CPA6: variants seen among roughly 807,000 people sequenced by gnomAD.
The protein encoded by CPA6 is carboxypeptidase A6.
A neutral mutation model predicts 63.3 loss-of-function variants in CPA6; 58 were observed. The ratio of observed to expected loss-of-function variants is 0.92; its 90% confidence interval spans 0.74 to 1.14. The LOEUF is 1.14. Among genes scored for constraint, CPA6 ranks in the 50% most tolerant of loss-of-function variants. CPA6 has a pLI of 0.00. For synonymous variants in CPA6, 185 were observed against 179.0 expected, an observed-to-expected ratio of 1.03 and a Z score of -0.27; for missense variants, 565 against 526.6, an observed-to-expected ratio of 1.07 and a Z score of -0.71.
intron 8 of CPA6, among the ~76,000 whole-genome samples, chr8:67,449,027 G>C (rs1427081142): frequency 6.6e-6 from 1 of 152,018 alleles, no homozygotes; most frequent in Non-Finnish European, 1.5e-5. Flanking sequence ...TGAAGAGGGA[G>C]GATCACTTGA....
chr8:67,635,852 C>A (rs565963068), intron 1 of CPA6, among the ~76,000 whole-genome samples: 1 of 151,632 alleles, frequency 6.6e-6, no homozygotes, highest in South Asian at 2.1e-4. Context: ...TTTGTCAATA[C>A]TTCCAAAGAC....
chr8:67,655,012 T>A (rs1263241517), intron 1 of CPA6, among the ~76,000 whole-genome samples: 2 of 152,186 alleles, frequency 1.3e-5, no homozygotes, highest in Non-Finnish European at 2.9e-5. Context: ...ATCAGTAGAA[T>A]AAAATTAGTT....
chr8:67,595,899 G>A (rs979177146), intron 2 of CPA6, among the ~76,000 whole-genome samples: 2 of 152,108 alleles, frequency 1.3e-5, no homozygotes, highest in South Asian at 2.1e-4. Context: ...ACTGTCCTGC[G>A]CCCACTGTCT....
intron 2 of CPA6, among the ~76,000 whole-genome samples, chr8:67,551,910 A>T (rs1268559629): frequency 6.6e-6 from 1 of 152,248 alleles, no homozygotes; most frequent in Non-Finnish European, 1.5e-5. Flanking sequence ...TACTGGAATT[A>T]TATTAAAGCC....
At chr8:67,655,765 C>A (rs918291363) in intron 1 of CPA6, among the ~76,000 whole-genome samples, 1 of 152,100 alleles carries the variant, frequency 6.6e-6, no homozygotes, top group African/African-American at 2.4e-5. Context: ...AATGTTCAAT[C>A]TCTGCAATCC....
chr8:67,473,137 TG>T (rs1187816584), intron 8 of CPA6, among the ~76,000 whole-genome samples: 2 of 152,234 alleles, frequency 1.3e-5, no homozygotes, highest in Non-Finnish European at 2.9e-5. Context: ...AAAATAGCTC[TG>T]AATAGGAAGA....
chr8:67,574,189 GC>G (rs1813563139), intron 2 of CPA6, among the ~76,000 whole-genome samples: 1 of 151,624 alleles, frequency 6.6e-6, no homozygotes, highest in Non-Finnish European at 1.5e-5. Flanking sequence ...ATCAGCCTGG[GC>G]AATATGGTAA....
intron 10 of CPA6, among the ~76,000 whole-genome samples, chr8:67,424,742 C>T (rs992058493): frequency 2.0e-5 from 3 of 152,204 alleles, no homozygotes; most frequent in South Asian, 2.1e-4. Context: ...TGCCTCTACC[C>T]GTGTATTAAA....
chr8:67,595,829 C>G (rs553539034), intron 2 of CPA6, among the ~76,000 whole-genome samples: 1 of 152,334 alleles, frequency 6.6e-6, no homozygotes, highest in South Asian at 2.1e-4. Flanking sequence ...TGACCCCTTG[C>G]ACTTCCCGAG....
intron 2 of CPA6, chr8:67,569,627 AT>A: frequency 2.4e-6 from 1 of 417,716 alleles, no homozygotes; most frequent in Non-Finnish European, 4.9e-6. Context: ...GCAAAACAGA[AT>A]TGGAGTGAAA....
chr8:67,582,088 C>A (rs1228612557), intron 2 of CPA6, among the ~76,000 whole-genome samples: 1 of 152,012 alleles, frequency 6.6e-6, no homozygotes, highest in Admixed American at 6.6e-5. Context: ...TCTGATGAAA[C>A]CCCTGAAGGG....
At chr8:67,462,048 T>C (rs867604444) in intron 8 of CPA6, among the ~76,000 whole-genome samples, 1 of 152,110 alleles carries the variant, frequency 6.6e-6, no homozygotes, top group African/African-American at 2.4e-5. Flanking sequence ...TTTAAAATAT[T>C]TTTTTGAATG....
At position 67,653,910 on chromosome 8, in the gene CPA6, C is replaced by T. The variant is rs1394318188; in HGVS notation, c.117-29659G>A. 2.1e-3 allele frequency among the ~76,000 whole-genome samples: 322 copies of T among 151,378 alleles called. 1 individual carries two copies. The highest frequency in any genetic ancestry group is 5.8e-3 in the African/African-American group (237 of 41,124). ...AGATAGCTCTTATTATTTTGAGATA[C>T]GTCCCATCAATACCTAATTTATTGA... is the stretch of plus-strand genomic sequence containing the variant. On this transcript the variant is annotated intron_variant, in intron 1 of 10. Coordinates refer to ENST00000297770, the MANE Select transcript of CPA6 (RefSeq NM_020361.5).
chr8:67,735,603 C>T (rs1290082527), intron 1 of CPA6: 1 of 151,904 alleles, frequency 6.6e-6, no homozygotes, highest in East Asian at 1.9e-4. Flanking sequence ...TAATATAATA[C>T]CTTGTATTAT....
rs140255253 is a variant in CPA6, at chr8:67,519,082, T to G, written c.193-1035A>C. On this transcript the variant is annotated intron_variant, in intron 2 of 10. Coordinates refer to ENST00000297770, the MANE Select transcript of CPA6 (RefSeq NM_020361.5). Reference sequence around the variant, plus strand: ...TGCCTTGTGTAAATTAGCCACTCAGTGTTTGTTGCAAGAGTGTAGACCTCC... The same window carrying G: ...TGCCTTGTGTAAATTAGCCACTCAGGGTTTGTTGCAAGAGTGTAGACCTCC... Among the ~76,000 whole-genome samples the G allele has an allele frequency of 7.9e-5, 12 of 152,276 alleles. No homozygotes were observed. The East Asian group carries it at 2.3e-3, about 29-fold the overall frequency.
chr8:67,677,840 T>C (rs1007216714), intron 1 of CPA6, among the ~76,000 whole-genome samples: 13 of 151,790 alleles, frequency 8.6e-5, no homozygotes, highest in African/African-American at 3.2e-4. Context: ...TCCAGGTAGC[T>C]TGTAGGTCTA....
intron 7 of CPA6, among the ~76,000 whole-genome samples, chr8:67,484,417 G>A (rs1404346738): frequency 1.3e-5 from 2 of 152,086 alleles, no homozygotes; most frequent in African/African-American, 4.8e-5. Context: ...AAAATTGAAT[G>A]GGCTGGACTA....
At chr8:67,540,146 C>T (rs1457772936) in intron 2 of CPA6, among the ~76,000 whole-genome samples, 2 of 150,392 alleles carry the variant, frequency 1.3e-5, no homozygotes, top group African/African-American at 4.9e-5. Flanking sequence ...ATTTATCTAC[C>T]TTTGGTCTTT....
chr8:67,734,887 G>A (rs901798540), intron 1 of CPA6, among the ~76,000 whole-genome samples: 5 of 152,170 alleles, frequency 3.3e-5, no homozygotes, highest in Non-Finnish European at 5.9e-5. Flanking sequence ...AGTCTGGTAA[G>A]ATAAAGACAT....
Sources: gnomAD v4.1 joint callset for allele counts (sites outside exome capture counted in the v4.1 genomes callset) on GRCh38, gnomAD v4.1.1 for gene constraint, MANE v1.5 for transcripts, NCBI Gene and HGNC (gene_info 2026-07-23, HGNC 2026-07-21) for gene names.